Variants in REEP3 observed in about 807,000 individuals in gnomAD.
REEP3 encodes receptor expression-enhancing protein 3.
REEP3 carries 20 observed loss-of-function variants against 41.3 expected under a neutral mutation model. The ratio of observed to expected loss-of-function variants is 0.48; its 90% CI spans 0.34 to 0.70. REEP3 has a LOEUF of 0.70. Ranked by LOEUF, REEP3 falls within the 30% of genes least tolerant of loss-of-function variation. The pLI is 0.01. For missense variants in REEP3, 271 were observed against 308.8 expected (o/e 0.88, Z 0.92); for synonymous variants, 104 against 101.8 (o/e 1.02, Z -0.13).
At chr10:63,564,256 T>C (rs1955774907) in intron 1 of REEP3, among the ~76,000 whole-genome samples, 3 of 152,092 alleles carry the variant, frequency 2.0e-5, no homozygotes, top group Non-Finnish European at 2.9e-5. Context: ...AGAAAACAAA[T>C]AGACAAAGTT....
At chr10:63,601,478 C>G (rs1245183820) in intron 5 of REEP3, among the ~76,000 whole-genome samples, 4 of 152,168 alleles carry the variant, frequency 2.6e-5, no homozygotes, top group African/African-American at 9.7e-5. Flanking sequence ...AAGGAGATGA[C>G]AAAAATTCCC....
intron 1 of REEP3, among the ~76,000 whole-genome samples, chr10:63,522,422 T>C (rs1371923345): frequency 6.6e-6 from 1 of 152,140 alleles, no homozygotes; most frequent in Non-Finnish European, 1.5e-5. Context: ...GTAAATGTAT[T>C]TGAATACAGT....
At chr10:63,610,411 G>A in intron 6 of REEP3, 77 bp downstream of exon 6, 2 of 1,395,520 alleles carry the variant, frequency 1.4e-6, no homozygotes, top group Non-Finnish European at 2.0e-6. Flanking sequence ...GGGCCTGTCG[G>A]GGGGTGGGGC....
chr10:63,561,921 T>G (rs1325553010), intron 1 of REEP3, among the ~76,000 whole-genome samples: 1 of 152,230 alleles, frequency 6.6e-6, no homozygotes, highest in Non-Finnish European at 1.5e-5. Context: ...AGATAATACT[T>G]TGATTGTATC....
intron 2 of REEP3, among the ~76,000 whole-genome samples, chr10:63,576,049 C>G (rs750666433): frequency 1.3e-5 from 2 of 152,168 alleles, no homozygotes; most frequent in Non-Finnish European, 2.9e-5. Flanking sequence ...TTTCTTCTTT[C>G]TACATAGTCT....
chr10:63,584,778 T>G (rs895517304), intron 2 of REEP3, among the ~76,000 whole-genome samples: 3 of 152,198 alleles, frequency 2.0e-5, no homozygotes, highest in African/African-American at 2.4e-5. Context: ...GTAGAATGAA[T>G]GTTTTGGGTG....
chr10:63,572,068 T>C (rs1955857604), intron 2 of REEP3, among the ~76,000 whole-genome samples: 1 of 152,112 alleles, frequency 6.6e-6, no homozygotes, highest in African/African-American at 2.4e-5. Context: ...TCAGGCAGCT[T>C]ACCAGGGCGG....
chr10:63,522,476 T>C (rs953261725), intron 1 of REEP3, among the ~76,000 whole-genome samples: 5 of 151,994 alleles, frequency 3.3e-5, no homozygotes, highest in Non-Finnish European at 5.9e-5. Flanking sequence ...CTCTCCCCGA[T>C]TAAAAAAAAA....
intron 6 of REEP3, among the ~76,000 whole-genome samples, chr10:63,619,191 A>G (rs1956333941): frequency 6.6e-6 from 1 of 152,182 alleles, no homozygotes; most frequent in Admixed American, 6.5e-5. Context: ...TACCATTCCC[A>G]GTCTTGACAA....
rs1216929955 is a variant in REEP3, at chr10:63,552,887, T to C, written c.33-13451T>C. ...GTAGTTCTTGTGGCACATGTTTGTT[T>C]CTTTTTCTGTCAGGTTGTCCCAGAT... On this transcript the variant is annotated intron_variant, in intron 1 of 7. Coordinates refer to ENST00000373758, the MANE Select transcript of REEP3 (RefSeq NM_001001330.3). 2.6e-5 allele frequency among the ~76,000 whole-genome samples: 4 copies of C among 152,344 alleles called. No individual in the cohort carries two copies. The South Asian group carries it at 8.3e-4, about 32-fold the overall frequency.
At chr10:63,576,406 T>A (rs1021515954) in intron 2 of REEP3, among the ~76,000 whole-genome samples, 18 of 152,296 alleles carry the variant, frequency 1.2e-4, no homozygotes, top group South Asian at 6.2e-4. Context: ...TTGAGGAGAA[T>A]CATTCCTTGT....
At chr10:63,544,183 A>G (rs961260429) in intron 1 of REEP3, among the ~76,000 whole-genome samples, 2 of 152,252 alleles carry the variant, frequency 1.3e-5, no homozygotes, top group African/African-American at 4.8e-5. Flanking sequence ...CAAGCAGTTC[A>G]ATATCAGTGG....
intron 2 of REEP3, among the ~76,000 whole-genome samples, chr10:63,571,792 T>C (rs935008403): frequency 6.6e-6 from 1 of 152,212 alleles, no homozygotes; most frequent in Non-Finnish European, 1.5e-5. Context: ...ATAGAAAATA[T>C]TCCAGTATTA....
In REEP3 at chr10:63,521,408, G is replaced by C. The variant is rs538862874; in HGVS notation, c.-138G>C. On this transcript the variant is annotated 5_prime_UTR_variant, in exon 1 of 8. Coordinates refer to ENST00000373758, the MANE Select transcript of REEP3 (RefSeq NM_001001330.3). ...GCCCAGGCCGCCGCGCGCACACACC[G>C]GGCCCGGCTCCTGAGGGCGCCAGCG... 4.3e-6 allele frequency: 1 copy of C among 233,040 alleles called. No homozygotes were observed. Among genetic ancestry groups the C allele is most frequent in the Admixed American group, 6.4e-5 (1 of 15,590 alleles). The allele number at this position is 233,040 out of a possible 1,614,324, so 14.4% of individuals were successfully genotyped here.
At chr10:63,524,389 C>T (rs1458899926) in intron 1 of REEP3, among the ~76,000 whole-genome samples, 2 of 152,114 alleles carry the variant, frequency 1.3e-5, no homozygotes, top group Non-Finnish European at 2.9e-5. Flanking sequence ...AGCACTTTGT[C>T]CCAAGATCCT....
chr10:63,538,059 A>G (rs1243252800), intron 1 of REEP3, among the ~76,000 whole-genome samples: 1 of 151,990 alleles, frequency 6.6e-6, no homozygotes, highest in Non-Finnish European at 1.5e-5. Context: ...TGTCTAAAAA[A>G]TGTGTAAATT....
intron 1 of REEP3, among the ~76,000 whole-genome samples, chr10:63,551,373 G>A (rs1407667294): frequency 6.6e-6 from 1 of 152,118 alleles, no homozygotes; most frequent in Non-Finnish European, 1.5e-5. Context: ...AATGAATACA[G>A]GAGAATAGGT....
chr10:63,623,211 A>G lies in REEP3; in HGVS notation c.*2342A>G, dbSNP rs181384338. The G allele has an allele frequency of 1.3e-5, 2 of 152,284 alleles. No individual in the cohort carries two copies. The highest frequency in any genetic ancestry group is 1.9e-4 in the East Asian group (1 of 5,180). The allele number at this position is 152,284 out of a possible 1,614,324, so 9.4% of individuals were successfully genotyped here. A position where few individuals can be genotyped will look rare whatever the true frequency, so the allele number is the denominator to read the frequency against. ...AGTGCTTCCTCTGATATCTTTCCTT[A>G]CATCATTATACACTGTTGATATCAT... On this transcript the variant is annotated 3_prime_UTR_variant, in exon 8 of 8. Transcript: ENST00000373758.
intron 6 of REEP3, among the ~76,000 whole-genome samples, chr10:63,618,447 C>T (rs1446618990): frequency 6.6e-6 from 1 of 151,660 alleles, no homozygotes; most frequent in Non-Finnish European, 1.5e-5. Flanking sequence ...CAGGGTTTCA[C>T]CATGTTAGCC....
Sources: gnomAD v4.1 joint callset for allele counts (sites outside exome capture counted in the v4.1 genomes callset) on GRCh38, gnomAD v4.1.1 for gene constraint, MANE v1.5 for transcripts, NCBI Gene and HGNC (gene_info 2026-07-23, HGNC 2026-07-21) for gene names.